MAGI3: variants seen among roughly 807,000 people sequenced by gnomAD.
MAGI3 encodes the protein membrane associated guanylate kinase, WW and PDZ domain containing 3, also known as membrane-associated guanylate kinase, WW and PDZ domain-containing protein 3.
In MAGI3, 43 loss-of-function variants were observed where a neutral mutation model predicts 121.8. The observed-to-expected ratio is 0.35, with a 90% CI of 0.28 to 0.46. The LOEUF is 0.46. Ranked by LOEUF, MAGI3 falls within the 20% of genes least tolerant of loss-of-function variation. The probability of loss-of-function intolerance (pLI) is 1.00; values close to 1 mark genes in which losing one functional copy is unlikely to be tolerated. For missense variants in MAGI3, 1,547 were observed against 1,797.3 expected, an observed-to-expected ratio of 0.86 and a Z score of 2.52; for synonymous variants, 553 against 639.3, an observed-to-expected ratio of 0.86 and a Z score of 2.04.
At chr1:113,650,771 AT>A (rs1241232159) in intron 13 of MAGI3, among the ~76,000 whole-genome samples, 1 of 152,114 alleles carries the variant, frequency 6.6e-6, no homozygotes, top group Non-Finnish European at 1.5e-5. Context: ...ACAACTTTGT[AT>A]TTTCTATTTT....
chr1:113,505,887 C>T (rs938722722), intron 1 of MAGI3, among the ~76,000 whole-genome samples: 1 of 151,960 alleles, frequency 6.6e-6, no homozygotes, highest in African/African-American at 2.4e-5. Context: ...GTAGGTAGGG[C>T]CTGATCTTGT....
At chr1:113,567,767 A>G (rs1247237069) in intron 2 of MAGI3, among the ~76,000 whole-genome samples, 1 of 152,052 alleles carries the variant, frequency 6.6e-6, no homozygotes, top group Non-Finnish European at 1.5e-5. Flanking sequence ...TTAACAGGAA[A>G]AGACAGAAGG....
At chr1:113,434,285 A>C (rs1653448903) in intron 1 of MAGI3, among the ~76,000 whole-genome samples, 1 of 152,132 alleles carries the variant, frequency 6.6e-6, no homozygotes, top group Non-Finnish European at 1.5e-5. Context: ...AAGCACACTG[A>C]TAGGCCAGGC....
At position 113,549,541 on chromosome 1, in the gene MAGI3, C is replaced by G; in HGVS notation, c.343C>G (p.His115Asp). 1 of 1,598,524 alleles carries G rather than the reference C, an allele frequency of 6.3e-7. No homozygotes were observed. The highest frequency in any genetic ancestry group is 1.1e-5 in the South Asian group (1 of 87,832). ...PGKVINKDLR[H>D]YLSLQFQKGS... ...CAAAGTCATTAATAAAGATTTGCGGCATTACCTAAGTCTTCAGTTTCAAAA... is the reference window on the plus strand; with the variant it reads ...CAAAGTCATTAATAAAGATTTGCGGGATTACCTAAGTCTTCAGTTTCAAAA... The change falls in exon 2 of 21, where the codon CAT becomes GAT. Residue 115 changes from histidine (H) to aspartate (D), a missense_variant. By Grantham distance (81) the His-to-Asp change is moderately conservative. Transcript: ENST00000307546.
At chr1:113,488,645 G>A (rs935819813) in intron 1 of MAGI3, among the ~76,000 whole-genome samples, 20 of 152,198 alleles carry the variant, frequency 1.3e-4, no homozygotes, top group African/African-American at 4.8e-4. Context: ...GTGTGGGTGA[G>A]TTTTGCTTTC....
At chr1:113,520,260 T>A (rs894377958) in intron 1 of MAGI3, among the ~76,000 whole-genome samples, 10 of 152,190 alleles carry the variant, frequency 6.6e-5, no homozygotes, top group Non-Finnish European at 1.2e-4. Flanking sequence ...TTTTTTTTAG[T>A]TCTTCCTGTG....
At chr1:113,548,583 G>GT (rs1659638631) in intron 1 of MAGI3, among the ~76,000 whole-genome samples, 1 of 152,224 alleles carries the variant, frequency 6.6e-6, no homozygotes, top group Admixed American at 6.5e-5. Flanking sequence ...GTGGAGCAGT[G>GT]TTTGACAGTG....
chr1:113,611,511 A>G (rs1253860173), intron 6 of MAGI3, among the ~76,000 whole-genome samples: 2 of 152,060 alleles, frequency 1.3e-5, no homozygotes, highest in Non-Finnish European at 2.9e-5. Flanking sequence ...GGTAGTCATT[A>G]AGTTCTGTTA....
intron 6 of MAGI3, among the ~76,000 whole-genome samples, chr1:113,602,962 G>GTA (rs1029470741): frequency 2.0e-4 from 31 of 151,472 alleles, no homozygotes; most frequent in African/African-American, 7.3e-4. Flanking sequence ...GTATGTGTAT[G>GTA]TATACACATA....
intron 1 of MAGI3, among the ~76,000 whole-genome samples, chr1:113,497,037 C>G (rs537678632): frequency 1.3e-5 from 2 of 152,304 alleles, no homozygotes; most frequent in South Asian, 4.1e-4. Context: ...GCAGGCAGAT[C>G]ACTTGAGGTC....
chr1:113,638,735 G>A (rs1652225577), intron 9 of MAGI3, among the ~76,000 whole-genome samples: 1 of 69,226 alleles, frequency 1.4e-5, no homozygotes, highest in Non-Finnish European at 3.4e-5. Context: ...CCAGCTGCGT[G>A]CTAGGAGAAC....
At chr1:113,537,414 G>A (rs1039545741) in intron 1 of MAGI3, among the ~76,000 whole-genome samples, 14 of 152,022 alleles carry the variant, frequency 9.2e-5, no homozygotes, top group Non-Finnish European at 1.2e-4. Flanking sequence ...AGTTACTGTC[G>A]TCTGCAGCTT....
chr1:113,604,279 TGTG>T (rs1649598060), intron 6 of MAGI3, among the ~76,000 whole-genome samples: 2 of 152,088 alleles, frequency 1.3e-5, no homozygotes, highest in South Asian at 4.1e-4. Flanking sequence ...ATAAATAAAA[TGTG>T]GTATTGCCAG....
At chr1:113,588,649 T>C (rs1228922754) in intron 4 of MAGI3, among the ~76,000 whole-genome samples, 1 of 152,106 alleles carries the variant, frequency 6.6e-6, no homozygotes, top group African/African-American at 2.4e-5. Flanking sequence ...GGTTATTGAA[T>C]GTGCAAGGAA....
chr1:113,681,815 CCCTACCTGGAGACA>C (rs1291779054), intron 20 of MAGI3, among the ~76,000 whole-genome samples: 1 of 152,204 alleles, frequency 6.6e-6, no homozygotes, highest in African/African-American at 2.4e-5. Context: ...GTTGCTATCA[CCCTACCTGGAGACA>C]GGGAGTTGGA....
intron 1 of MAGI3, among the ~76,000 whole-genome samples, chr1:113,399,376 C>A (rs1278216047): frequency 1.3e-5 from 2 of 152,058 alleles, no homozygotes; most frequent in Non-Finnish European, 2.9e-5. Flanking sequence ...TGTAGCAGAA[C>A]CCCAAGACGT....
At chr1:113,639,636 C>T (rs977750852) in intron 9 of MAGI3, among the ~76,000 whole-genome samples, 4 of 152,110 alleles carry the variant, frequency 2.6e-5, no homozygotes, top group Admixed American at 1.3e-4. Context: ...GCTGCGACCT[C>T]GGCTTACTGC....
In MAGI3 at chr1:113,658,575, A is replaced by G. The variant is rs143553965; in HGVS notation, c.2630-505A>G. Among the ~76,000 whole-genome samples the G allele has an allele frequency of 1.0e-3, 154 of 152,380 alleles. No individual in the cohort carries two copies. The Middle Eastern group carries it at 0.01, about 10-fold the overall frequency. ...TTCACTGTACCTGAATTTCTGACCA[A>G]TAACTACCGAGTGCTAAACCTGAGT... On this transcript the variant is annotated intron_variant, in intron 15 of 20. Transcript: ENST00000307546. This position sits in a 1 kb window ranked among gnomAD's most constrained non-coding sequence, Gnocchi z 4.0.
chr1:113,441,548 A>G, intron 1 of MAGI3, among the ~76,000 whole-genome samples: 1 of 152,220 alleles, frequency 6.6e-6, no homozygotes, highest in East Asian at 1.9e-4. Context: ...TCTATAAAAT[A>G]CCACTATATA....
Sources: gnomAD v4.1 joint callset for allele counts (sites outside exome capture counted in the v4.1 genomes callset) on GRCh38, gnomAD v4.1.1 for gene constraint, Gnocchi (gnomAD v3.1) non-coding constraint, MANE v1.5 for transcripts, NCBI Gene and HGNC (gene_info 2026-07-23, HGNC 2026-07-21) for gene names.